USP10: variants seen among roughly 807,000 people sequenced by gnomAD.
USP10 encodes the protein ubiquitin carboxyl-terminal hydrolase 10.
A neutral mutation model predicts 84.5 loss-of-function variants in USP10; 22 were observed. The observed-to-expected ratio is 0.26, with a 90% CI of 0.19 to 0.37. The LOEUF is 0.37. Among genes scored for constraint, USP10 ranks in the 10% least tolerant of loss-of-function variants. The probability of loss-of-function intolerance (pLI) is 1.00; values close to 1 mark genes in which losing one functional copy is unlikely to be tolerated. For synonymous variants in USP10, 454 were observed against 387.6 expected, an observed-to-expected ratio of 1.17 and a Z score of -2.01; for missense variants, 1,019 against 998.9, an observed-to-expected ratio of 1.02 and a Z score of -0.27.
intron 12 of USP10, among the ~76,000 whole-genome samples, chr16:84,774,440 A>G (rs1360657850): frequency 1.3e-5 from 2 of 151,514 alleles, no homozygotes; most frequent in Non-Finnish European, 2.9e-5. Flanking sequence ...TGGAGAAATC[A>G]TGTTACTGTT....
intron 1 of USP10, among the ~76,000 whole-genome samples, chr16:84,727,819 C>G (rs1241820547): frequency 1.3e-5 from 2 of 152,228 alleles, no homozygotes; most frequent in East Asian, 3.8e-4. Context: ...GGCATATTCT[C>G]TTAAATAACC....
In USP10 at chr16:84,775,202, A is replaced by G. The variant is rs755589457; in HGVS notation, c.2186A>G (p.His729Arg). The change falls in exon 13 of 14, where the codon CAC becomes CGC. Residue 729 changes from histidine (H) to arginine (R), a missense_variant. Physicochemically the swap from His to Arg is conservative, Grantham distance 29. This residue lies in a region of USP10 where 232 missense variants were observed against 290.1 expected (regional missense o/e 0.80). Coordinates refer to ENST00000219473, the MANE Select transcript of USP10 (RefSeq NM_005153.3). Reference protein sequence around the residue: ...PGVKNKNFKCHRTYRLFAVVY... With the variant: ...PGVKNKNFKCRRTYRLFAVVY... ...GTTAAAAATAAGAATTTTAAATGCC[A>G]CCGAACCTATCGGCTCTTTGCAGGT... 2 of 1,613,688 alleles carry G rather than the reference A, an allele frequency of 1.2e-6. No individual in the cohort carries two copies. Among genetic ancestry groups the G allele is most frequent in the Non-Finnish European group, 1.7e-6 (2 of 1,179,712 alleles).
intron 4 of USP10, among the ~76,000 whole-genome samples, chr16:84,749,387 A>G (rs562986171): frequency 9.2e-5 from 14 of 152,190 alleles, no homozygotes; most frequent in African/African-American, 2.9e-4. Flanking sequence ...TTAGTATCTA[A>G]CTGTTTCTAC....
intron 10 of USP10, 107 bp downstream of exon 10, chr16:84,764,370 G>T (rs537646080): frequency 2.1e-6 from 3 of 1,449,070 alleles, no homozygotes; most frequent in Non-Finnish European, 2.9e-6. Context: ...GGACGTAATG[G>T]TTTGCATCTT....
intron 3 of USP10, among the ~76,000 whole-genome samples, chr16:84,742,666 TC>T (rs1390250775): frequency 2.6e-4 from 39 of 152,316 alleles, no homozygotes; most frequent in Non-Finnish European, 7.4e-5. Context: ...GTCCTGCACT[TC>T]GTCTGCCTGG....
chr16:84,705,715 CTTTTTTTTTTT>C (rs1034372044), intron 1 of USP10, among the ~76,000 whole-genome samples: 3 of 71,296 alleles, frequency 4.2e-5, no homozygotes, highest in African/African-American at 1.3e-4. Context: ...CCCTTGCTTG[CTTTTTTTTTTT>C]TTTTTTTTTT....
chr16:84,730,131 C>G (rs1387938980), intron 1 of USP10, among the ~76,000 whole-genome samples: 1 of 152,196 alleles, frequency 6.6e-6, no homozygotes, highest in Non-Finnish European at 1.5e-5. Flanking sequence ...TCTGCGTCCA[C>G]TCAGCGTCCA....
In USP10 at chr16:84,728,375, T is replaced by C. The variant is rs980988140; in HGVS notation, c.22-5060T>C. Reference sequence around the variant, plus strand: ...CTTTTTTACTTTTTTTTTTTCTCGCTGTTGCCCAGGCTGGAGTTCAGTGGT... The same window carrying C: ...CTTTTTTACTTTTTTTTTTTCTCGCCGTTGCCCAGGCTGGAGTTCAGTGGT... On this transcript the variant is annotated intron_variant, in intron 1 of 13. Transcript: ENST00000219473. Among the ~76,000 whole-genome samples the C allele has an allele frequency of 4.6e-5, 7 of 152,002 alleles. No homozygotes were observed. The East Asian group carries it at 9.7e-4, about 21-fold the overall frequency.
At chr16:84,726,733 G>C (rs1009119122) in intron 1 of USP10, among the ~76,000 whole-genome samples, 1 of 152,238 alleles carries the variant, frequency 6.6e-6, no homozygotes, top group Non-Finnish European at 1.5e-5. Flanking sequence ...AAGTGGTGGA[G>C]GGGAATAAAT....
In USP10 at chr16:84,759,837, A is replaced by G. The variant is rs1597380641; in HGVS notation, c.1395-54A>G. 5 of 1,554,654 alleles carry G rather than the reference A, an allele frequency of 3.2e-6. No individual in the cohort carries two copies. In the South Asian group the frequency reaches 5.6e-5, roughly 17 times the overall value. On this transcript the variant is annotated intron_variant, in intron 6 of 13. Transcript: ENST00000219473. ...TACTTAGCCATCAAAGCTCTTTAGT[A>G]AAAGTATATATTGTTTAAAACTGCA...
In USP10 at chr16:84,725,876, A is replaced by G. The variant is rs190897952; in HGVS notation, c.22-7559A>G. Among the ~76,000 whole-genome samples the G allele has an allele frequency of 5.3e-3, 800 of 152,262 alleles. 2 individuals are homozygous for G. The highest frequency in any genetic ancestry group is 8.3e-3 in the Non-Finnish European group (566 of 68,010). On this transcript the variant is annotated intron_variant, in intron 1 of 13. Transcript: ENST00000219473. Reference sequence around the variant, plus strand: ...CTATTGCTCTTTTCATGTTTCCCCAAATTGAGCTTATTTGGATCAGGAGAA... The same window carrying G: ...CTATTGCTCTTTTCATGTTTCCCCAGATTGAGCTTATTTGGATCAGGAGAA...
At chr16:84,734,914 T>A (rs1909700767) in intron 2 of USP10, among the ~76,000 whole-genome samples, 3 of 152,246 alleles carry the variant, frequency 2.0e-5, no homozygotes, top group Non-Finnish European at 4.4e-5. Flanking sequence ...AGCTGTCCTG[T>A]CAGCCCCGTT....
At chr16:84,740,265 A>G (rs1197021957) in intron 2 of USP10, 44 bp from the exon 3 acceptor site, 8 of 1,577,900 alleles carry the variant, frequency 5.1e-6, no homozygotes, top group Non-Finnish European at 6.9e-6. Flanking sequence ...CGTTGGTTTT[A>G]ACATTTTGTT....
chr16:84,765,215 A>T (rs1302937992), intron 10 of USP10, among the ~76,000 whole-genome samples: 1 of 151,010 alleles, frequency 6.6e-6, no homozygotes, highest in African/African-American at 2.5e-5. Context: ...AATAGTTGCT[A>T]CAGTGAAGCA....
At position 84,759,430 on chromosome 16, in the gene USP10, A is replaced by G. The variant is rs368574309; in HGVS notation, c.1352A>G (p.Lys451Arg). The stretch of plus-strand genomic sequence containing the variant: ...ATGAAGTTCATTCCTCTGTATTCCA[A>G]AGTGCAAAGGCCTTGTACGTCAACA... ...HLMKFIPLYS[K>R]VQRPCTSTPM... The change falls in exon 6 of 14, where the codon AAA (lysine) becomes AGA (arginine). Residue 451 changes from lysine to arginine, a missense_variant. Physicochemically the swap from Lys to Arg is conservative, Grantham distance 26. This residue lies in a region of USP10 where 787 missense variants were observed against 708.8 expected (regional missense o/e 1.11). Transcript: ENST00000219473. 5.6e-6 allele frequency: 9 copies of G among 1,613,872 alleles called. No individual in the cohort carries two copies. The African/African-American group carries it at 9.3e-5, about 17-fold the overall frequency.
chr16:84,720,970 G>A (rs975006007), intron 1 of USP10, among the ~76,000 whole-genome samples: 8 of 146,212 alleles, frequency 5.5e-5, no homozygotes, highest in African/African-American at 1.0e-4. Context: ...CTCAGCTCAC[G>A]GCAACCTCCG....
At chr16:84,765,476 C>CTTTT (rs11395693) in intron 10 of USP10, among the ~76,000 whole-genome samples, 3 of 144,014 alleles carry the variant, frequency 2.1e-5, no homozygotes, top group African/African-American at 7.7e-5. Context: ...GTAGTTTCGT[C>CTTTT]TTTTTTTTTT....
At chr16:84,756,965 G>A (rs1480976740) in intron 4 of USP10, among the ~76,000 whole-genome samples, 1 of 152,178 alleles carries the variant, frequency 6.6e-6, no homozygotes, top group Non-Finnish European at 1.5e-5. Context: ...TGAGGAAAGG[G>A]CTCAACCTCT....
At chr16:84,704,443 C>G (rs764829848) in intron 1 of USP10, among the ~76,000 whole-genome samples, 1 of 152,252 alleles carries the variant, frequency 6.6e-6, no homozygotes, top group Non-Finnish European at 1.5e-5. Context: ...GGATTACTGT[C>G]ATTTGTCACT....
Sources: allele counts gnomAD v4.1 joint callset (sites outside exome capture counted in the v4.1 genomes callset), GRCh38; gene constraint gnomAD v4.1.1; regional missense constraint gnomAD v4.1.1; transcripts MANE v1.5; gene names NCBI Gene and HGNC (gene_info 2026-07-23, HGNC 2026-07-21).